The following ANO4 variants were observed in gnomAD, a reference collection of about 807,000 sequenced individuals.
The protein encoded by ANO4 is anoctamin 4, also known as anoctamin-4.
Under a neutral mutation model 141.9 loss-of-function variants are expected in ANO4, and 69 were observed. The ratio of observed to expected loss-of-function variants is 0.49; its 90% CI spans 0.40 to 0.59. The LOEUF is 0.59. ANO4 is among the 20% of genes least tolerant of loss of function. The pLI is 0.00. For missense variants in ANO4, 894 were observed against 1,162.2 expected (o/e 0.77, Z 3.36); for synonymous variants, 350 against 394.3 (o/e 0.89, Z 1.33).
chr12:100,963,490 C>CTG (rs376975145), intron 5 of ANO4, among the ~76,000 whole-genome samples: 39 of 151,004 alleles, frequency 2.6e-4, no homozygotes, highest in Admixed American at 4.0e-4. Flanking sequence ...GTGTGTGTGT[C>CTG]TGTGTGTGTG....
intron 1 of ANO4, among the ~76,000 whole-genome samples, chr12:100,849,228 G>A (rs1428296067): frequency 2.0e-5 from 3 of 152,154 alleles, no homozygotes; most frequent in African/African-American, 4.8e-5. Flanking sequence ...AAGAACCTGG[G>A]CCATAAACAG....
intron 7 of ANO4, among the ~76,000 whole-genome samples, chr12:100,983,080 G>C (rs1370351451): frequency 2.6e-5 from 4 of 152,200 alleles, no homozygotes; most frequent in Non-Finnish European, 5.9e-5. Context: ...GGGGCCCTAA[G>C]TGAAGTCTGA....
At chr12:101,117,623 T>C (rs2050905135) in intron 25 of ANO4, among the ~76,000 whole-genome samples, 2 of 152,204 alleles carry the variant, frequency 1.3e-5, no homozygotes, top group African/African-American at 4.8e-5. Flanking sequence ...GTTGGGAGGA[T>C]CACTTAAGTC....
At chr12:100,808,337 G>A (rs770114943) in intron 1 of ANO4, among the ~76,000 whole-genome samples, 25 of 151,860 alleles carry the variant, frequency 1.6e-4, no homozygotes, top group Non-Finnish European at 3.5e-4. Context: ...TCATATTATC[G>A]TTGCCACATG....
intron 14 of ANO4, among the ~76,000 whole-genome samples, chr12:101,078,989 G>A (rs531784931): frequency 4.6e-5 from 7 of 152,204 alleles, no homozygotes; most frequent in East Asian, 1.9e-4. Flanking sequence ...GAAATCTCTC[G>A]TTTTTCATTA....
chr12:100,972,581 TAC>T (rs1447188637), intron 6 of ANO4, among the ~76,000 whole-genome samples: 1 of 152,160 alleles, frequency 6.6e-6, no homozygotes, highest in African/African-American at 2.4e-5. Context: ...AAAAAAGGAA[TAC>T]ATATATATAT....
At chr12:100,982,002 A>G (rs1284606501) in intron 7 of ANO4, among the ~76,000 whole-genome samples, 2 of 152,166 alleles carry the variant, frequency 1.3e-5, no homozygotes, top group East Asian at 1.9e-4. Flanking sequence ...CCATTTGCTT[A>G]TACTGTATTG....
chr12:100,720,377 T>C (rs1196138082), intron 1 of ANO4, among the ~76,000 whole-genome samples: 2 of 151,996 alleles, frequency 1.3e-5, no homozygotes, highest in Non-Finnish European at 2.9e-5. Context: ...GGCATTCCAT[T>C]ACATGGGGAA....
At chr12:100,959,282 C>T (rs1287824024) in intron 5 of ANO4, among the ~76,000 whole-genome samples, 1 of 152,106 alleles carries the variant, frequency 6.6e-6, no homozygotes, top group African/African-American at 2.4e-5. Context: ...TCCCCTCTCA[C>T]CTCACCTTCT....
intron 1 of ANO4, among the ~76,000 whole-genome samples, chr12:100,835,570 C>T (rs2036868326): frequency 6.6e-6 from 1 of 152,126 alleles, no homozygotes; most frequent in Admixed American, 6.6e-5. Flanking sequence ...ATATTAGTTG[C>T]ATGATCTGCA....
intron 7 of ANO4, among the ~76,000 whole-genome samples, chr12:100,986,131 C>T (rs929204474): frequency 6.6e-6 from 1 of 152,118 alleles, no homozygotes; most frequent in Non-Finnish European, 1.5e-5. Context: ...TTCTTCTGCC[C>T]TTAGACATCA....
intron 1 of ANO4, among the ~76,000 whole-genome samples, chr12:100,858,750 C>T (rs569802661): frequency 1.3e-5 from 2 of 152,212 alleles, no homozygotes; most frequent in Non-Finnish European, 2.9e-5. Context: ...TTTCCCTCAG[C>T]TTCCTATTTC....
At position 100,772,856 on chromosome 12, in the gene ANO4, G is replaced by A. The variant is rs867980638; in HGVS notation, c.358+32751G>A. On this transcript the variant is annotated intron_variant, in intron 3 of 29. Transcript: ENST00000644049. ...GTAAGGAAGATGTAAAAAATCACAC[G>A]ATCTCAAACACTTGTATATGCACTA... is the stretch of plus-strand genomic sequence containing the variant. Among the ~76,000 whole-genome samples, 5 of 152,124 alleles carry A rather than the reference G, an allele frequency of 3.3e-5. 1 individual carries two copies. Among genetic ancestry groups the A allele is most frequent in the African/African-American group, 1.2e-4 (5 of 41,418 alleles).
intron 7 of ANO4, among the ~76,000 whole-genome samples, chr12:100,977,020 C>T (rs991088001): frequency 2.0e-5 from 3 of 152,270 alleles, no homozygotes. Flanking sequence ...CAGGTTACTT[C>T]ACTTCTCTGA....
At chr12:101,088,999 A>G (rs895173223) in intron 17 of ANO4, among the ~76,000 whole-genome samples, 3 of 152,186 alleles carry the variant, frequency 2.0e-5, no homozygotes, top group Non-Finnish European at 4.4e-5. Flanking sequence ...TGTTCAATTA[A>G]TTATAGTTCC....
At chr12:100,867,733 T>C (rs1012790622) in intron 1 of ANO4, among the ~76,000 whole-genome samples, 4 of 152,170 alleles carry the variant, frequency 2.6e-5, no homozygotes, top group African/African-American at 9.6e-5. Flanking sequence ...GTTGCTGAAT[T>C]AAATGAAGAT....
chr12:101,107,178 T>C lies in ANO4; in HGVS notation c.2150-3226T>C, dbSNP rs550787003. On this transcript the variant is annotated intron_variant, in intron 22 of 27. Transcript: ENST00000392977. ...TTACTGTTAGTGATTGTAAGAATTA[T>C]CTCTGTCAGTTTTATTTCTACCTGA... 1.1e-4 allele frequency among the ~76,000 whole-genome samples: 17 copies of C among 152,332 alleles called. No homozygotes were observed. In the South Asian group the frequency reaches 3.3e-3, roughly 30 times the overall value.
chr12:100,817,406 G>A (rs1024476843), intron 1 of ANO4, among the ~76,000 whole-genome samples: 1 of 151,776 alleles, frequency 6.6e-6, no homozygotes, highest in African/African-American at 2.4e-5. Context: ...GACATGATTT[G>A]AGATATTGAA....
intron 3 of ANO4, among the ~76,000 whole-genome samples, chr12:100,924,903 C>T (rs754916675): frequency 1.1e-4 from 16 of 151,870 alleles, no homozygotes; most frequent in Admixed American, 2.0e-4. Flanking sequence ...TTAGTAAAGA[C>T]GTGTGTATCT....
Sources: gnomAD v4.1 joint callset for allele counts (sites outside exome capture counted in the v4.1 genomes callset) on GRCh38, gnomAD v4.1.1 for gene constraint, MANE v1.5 for transcripts, NCBI Gene and HGNC (gene_info 2026-07-23, HGNC 2026-07-21) for gene names.